ELF1: variants seen among roughly 807,000 people sequenced by gnomAD.
ELF1 encodes the protein ETS-related transcription factor Elf-1.
Under a neutral mutation model 59.9 loss-of-function variants are expected in ELF1, and 24 were observed. The observed-to-expected ratio is 0.40, with a 90% CI of 0.29 to 0.56. ELF1 has a LOEUF of 0.56. Ranked by LOEUF, ELF1 falls within the 20% of genes least tolerant of loss-of-function variation. The pLI, the probability that ELF1 is intolerant of heterozygous loss-of-function variation, is 0.44. For missense variants in ELF1, 627 were observed against 742.2 expected, an observed-to-expected ratio of 0.84 and a Z score of 1.80; for synonymous variants, 248 against 266.2, an observed-to-expected ratio of 0.93 and a Z score of 0.67.
chr13:40,933,403 T>C lies in ELF1; in HGVS notation c.*22A>G. Reference sequence around the variant, plus strand: ...AAAATGTTCAATTAACAAACAATTATTCATAAGCTTTGGTATATTAACTAA... The same window carrying C: ...AAAATGTTCAATTAACAAACAATTACTCATAAGCTTTGGTATATTAACTAA... On this transcript the variant is annotated 3_prime_UTR_variant, in exon 9 of 9. Coordinates refer to ENST00000239882, the MANE Select transcript of ELF1 (RefSeq NM_172373.4). 1 of 1,591,108 alleles carries C rather than the reference T, an allele frequency of 6.3e-7. No individual in the cohort carries two copies. Among genetic ancestry groups the C allele is most frequent in the Non-Finnish European group, 8.6e-7 (1 of 1,169,478 alleles).
intron 8 of ELF1, among the ~76,000 whole-genome samples, chr13:40,938,699 T>C (rs1199628611): frequency 6.6e-6 from 1 of 152,028 alleles, no homozygotes; most frequent in East Asian, 1.9e-4. Context: ...GTGTCAGCTC[T>C]TGTTGTTATA....
Position 41,017,202 on chromosome 13 carries a change from T to C in ELF1, c.-229+2026A>G, listed in dbSNP as rs551870021. On this transcript the variant is annotated intron_variant, in intron 1 of 8. Coordinates refer to ENST00000239882, the MANE Select transcript of ELF1 (RefSeq NM_172373.4). ...TTTTCAAAATCATTGGTTGATCCAT[T>C]TGGTTGCAACTTATCACCAAGATTA... 1.1e-4 allele frequency among the ~76,000 whole-genome samples: 17 copies of C among 151,954 alleles called. No individual in the cohort carries two copies. The South Asian group carries it at 2.9e-3, about 26-fold the overall frequency.
intron 1 of ELF1, among the ~76,000 whole-genome samples, chr13:41,011,579 G>C (rs1182725227): frequency 1.3e-5 from 2 of 152,104 alleles, no homozygotes; most frequent in African/African-American, 4.8e-5. Flanking sequence ...AAGTGGCTGG[G>C]ACTACAGTCA....
intron 1 of ELF1, among the ~76,000 whole-genome samples, chr13:41,012,443 A>G (rs991484794): frequency 6.6e-6 from 1 of 151,758 alleles, no homozygotes; most frequent in Non-Finnish European, 1.5e-5. Context: ...TTTTTAAGAA[A>G]AAAAGGTCAT....
chr13:41,002,846 T>C (rs1874542583), intron 1 of ELF1, among the ~76,000 whole-genome samples: 1 of 152,110 alleles, frequency 6.6e-6, no homozygotes, highest in African/African-American at 2.4e-5. Context: ...TCCCATGTAA[T>C]TCAGTAATTA....
rs184028819 is a variant in ELF1, at chr13:40,976,804, C to T, written c.72+5179G>A. Among the ~76,000 whole-genome samples, 206 of 152,236 alleles carry T rather than the reference C, an allele frequency of 1.4e-3. 2 individuals carry two copies. The highest frequency in any genetic ancestry group is 1.2e-3 in the Non-Finnish European group (79 of 68,018). ...ATATACACCACCCGCTTTGGCCTCC[C>T]AAAGTGCTGGGATTACAGGCATGAG... On this transcript the variant is annotated intron_variant, in intron 2 of 8. Transcript: ENST00000239882.
At chr13:40,961,019 G>A (rs1024983072) in intron 2 of ELF1, among the ~76,000 whole-genome samples, 19 of 152,132 alleles carry the variant, frequency 1.2e-4, no homozygotes, top group African/African-American at 4.6e-4. Context: ...AGATAATAAT[G>A]CCAGGCACCT....
At chr13:40,931,919 T>C (rs1490572242), downstream of ELF1, 1 of 152,246 alleles carries the variant, frequency 6.6e-6, no homozygotes, top group Non-Finnish European at 1.5e-5. Context: ...GATGATATTC[T>C]GCAATTCTGA....
chr13:40,986,507 C>G (rs1193817227), intron 1 of ELF1, among the ~76,000 whole-genome samples: 1 of 152,190 alleles, frequency 6.6e-6, no homozygotes, highest in East Asian at 1.9e-4. Context: ...TCTGTACTCC[C>G]TGGAAGTCTC....
chr13:41,057,561 G>A (rs1877334560), intron 1 of ELF1, among the ~76,000 whole-genome samples: 1 of 151,898 alleles, frequency 6.6e-6, no homozygotes, highest in Admixed American at 6.6e-5. Flanking sequence ...GTGCCACCAC[G>A]CCTGGCTAAT....
intron 1 of ELF1, among the ~76,000 whole-genome samples, chr13:40,990,318 T>C (rs1441501600): frequency 1.3e-5 from 2 of 152,204 alleles, no homozygotes; most frequent in African/African-American, 2.4e-5. Context: ...TGAAAGTATA[T>C]GGAGGATTAT....
intron 1 of ELF1, among the ~76,000 whole-genome samples, chr13:40,997,383 G>A (rs776212586): frequency 4.0e-5 from 6 of 151,566 alleles, no homozygotes; most frequent in African/African-American, 1.2e-4. Flanking sequence ...TCTGCCTCCC[G>A]AGTAGCTGGG....
intron 5 of ELF1, 136 bp downstream of exon 5, chr13:40,949,670 A>T: frequency 9.0e-7 from 1 of 1,110,588 alleles, no homozygotes; most frequent in Non-Finnish European, 1.3e-6. Context: ...ATAACTCATA[A>T]TTTCCATTTT....
intron 1 of ELF1, among the ~76,000 whole-genome samples, chr13:41,012,312 C>CAAAAAAAAAAAAAAAAAAAAAAAAAAA (rs56791748): frequency 1.5e-5 from 1 of 65,044 alleles, no homozygotes; most frequent in Non-Finnish European, 2.8e-5. Context: ...GACTCTGTCT[C>CAAAAAAAAAAAAAAAAAAAAAAAAAAA]AAAAAAAAAA....
At position 40,933,876 on chromosome 13, in the gene ELF1, G is replaced by C; in HGVS notation, c.1409C>G (p.Ala470Gly). 1.9e-6 allele frequency: 3 copies of C among 1,614,234 alleles called. No homozygotes were observed. Among genetic ancestry groups the C allele is most frequent in the Non-Finnish European group, 2.5e-6 (3 of 1,180,042 alleles). The change falls in exon 9 of 9, where the codon GCC becomes GGC. Residue 470 changes from alanine to glycine, a missense_variant. Around this residue, in one of 3 missense-constraint regions of ELF1, gnomAD observed 361 missense variants for 396.1 expected, o/e 0.91. Transcript: ENST00000239882. ...GTGSQKFILQ[A>G]IPSSQPMTVL... ...TGTCATGGGCTGTGATGATGGAATG[G>C]CTTGTAAAATAAACTTCTGAGATCC...
At chr13:40,992,156 TTTTA>T (rs530776113) in intron 1 of ELF1, among the ~76,000 whole-genome samples, 232 of 152,356 alleles carry the variant, frequency 1.5e-3, no homozygotes, top group South Asian at 2.5e-3. Context: ...CTGATAATTA[TTTTA>T]TTTGTCATTT....
chr13:40,984,249 T>C (rs1466875554), intron 1 of ELF1, among the ~76,000 whole-genome samples: 1 of 152,204 alleles, frequency 6.6e-6, no homozygotes, highest in African/African-American at 2.4e-5. Flanking sequence ...AAGGATTATA[T>C]TGATGACAAA....
intron 1 of ELF1, among the ~76,000 whole-genome samples, chr13:41,002,111 G>C (rs9590567): frequency 0.18 from 27,574 of 151,916 alleles, 2,684 homozygotes; most frequent in African/African-American, 0.22. Flanking sequence ...GGAAAATCTG[G>C]GGGGGAAATA....
intron 1 of ELF1, among the ~76,000 whole-genome samples, chr13:41,028,477 G>A (rs910213928): frequency 3.3e-5 from 5 of 152,316 alleles, no homozygotes; most frequent in Middle Eastern, 6.8e-3. Flanking sequence ...CAGCTAAGGC[G>A]TTTGCTGAAG....
Sources: allele counts gnomAD v4.1 joint callset (sites outside exome capture counted in the v4.1 genomes callset), GRCh38; gene constraint gnomAD v4.1.1; regional missense constraint gnomAD v4.1.1; transcripts MANE v1.5; gene names NCBI Gene and HGNC (gene_info 2026-07-23, HGNC 2026-07-21).